Variants in SPIN1 observed in about 807,000 individuals in gnomAD.
The protein encoded by SPIN1 is spindlin 1.
Under a neutral mutation model 26.0 loss-of-function variants are expected in SPIN1, and 3 were observed. That is an observed-to-expected ratio of 0.12 (90% CI 0.05 to 0.30). SPIN1 has a LOEUF of 0.30. Ranked by LOEUF, SPIN1 falls within the 10% of genes least tolerant of loss-of-function variation. The pLI, the probability that SPIN1 is intolerant of heterozygous loss-of-function variation, is 1.00. For synonymous variants in SPIN1, 101 were observed against 116.5 expected (o/e 0.87, Z 0.86); for missense variants, 126 against 333.4 (o/e 0.38, Z 4.84).
chr9:88,427,676 A>G (rs1266481740), intron 2 of SPIN1, among the ~76,000 whole-genome samples: 1 of 150,716 alleles, frequency 6.6e-6, no homozygotes, highest in East Asian at 2.0e-4. Context: ...GGTGATCTGC[A>G]GCCTCTGCCT....
intron 1 of SPIN1, among the ~76,000 whole-genome samples, chr9:88,399,104 T>A (rs1408734480): frequency 1.3e-5 from 2 of 151,076 alleles, no homozygotes; most frequent in African/African-American, 4.9e-5. Context: ...CAATCTTGGC[T>A]CACTGCAACC....
At chr9:88,411,977 C>G (rs1482185455) in intron 1 of SPIN1, among the ~76,000 whole-genome samples, 1 of 151,216 alleles carries the variant, frequency 6.6e-6, no homozygotes, top group East Asian at 1.9e-4. Flanking sequence ...CGAGACCATC[C>G]TGGCTAGTGC....
intron 2 of SPIN1, among the ~76,000 whole-genome samples, chr9:88,432,089 C>T (rs1487192048): frequency 6.6e-6 from 1 of 151,978 alleles, no homozygotes; most frequent in Non-Finnish European, 1.5e-5. Context: ...CTTTAACTGT[C>T]TCCTGTTTTT....
rs757565862 is a variant in SPIN1, at chr9:88,405,536, C to CTTTTTT, written c.-159+17013_-159+17018dup. Among the ~76,000 whole-genome samples the CTTTTTT allele has an allele frequency of 4.5e-3, 500 of 110,682 alleles. 19 individuals carry two copies. The highest frequency in any genetic ancestry group is 0.014 in the African/African-American group (344 of 24,490). 72.6% of individuals were successfully genotyped at this position (110,682 alleles called of 152,430 possible). On this transcript the variant is annotated intron_variant, in intron 1 of 5. Coordinates refer to ENST00000375859, the MANE Select transcript of SPIN1 (RefSeq NM_006717.3). Reference sequence around the variant, plus strand: ...GCCACAGTGCCTGGCCTGTACTATCCTTTTTTTTTTTTTTTTTTTTCCCTG... The same window carrying CTTTTTT: ...GCCACAGTGCCTGGCCTGTACTATCCTTTTTTTTTTTTTTTTTTTTTTTTTTCCCTG...
At chr9:88,389,865 C>G (rs1826881365) in intron 1 of SPIN1, among the ~76,000 whole-genome samples, 1 of 152,110 alleles carries the variant, frequency 6.6e-6, no homozygotes, top group South Asian at 2.1e-4. Flanking sequence ...TTTTAACACT[C>G]TTTTGAAGTG....
chr9:88,428,798 A>G (rs1827809193), intron 2 of SPIN1, among the ~76,000 whole-genome samples: 1 of 152,194 alleles, frequency 6.6e-6, no homozygotes, highest in East Asian at 1.9e-4. Context: ...TTTTAGCATA[A>G]GAGTCCGTGA....
At chr9:88,396,902 A>G (rs1827074533) in intron 1 of SPIN1, among the ~76,000 whole-genome samples, 1 of 152,070 alleles carries the variant, frequency 6.6e-6, no homozygotes, top group Admixed American at 6.6e-5. Context: ...CTGTGTAGGT[A>G]TTTATTTATC....
At chr9:88,408,330 G>T (rs1194735847) in intron 1 of SPIN1, among the ~76,000 whole-genome samples, 17 of 142,080 alleles carry the variant, frequency 1.2e-4, no homozygotes, top group African/African-American at 4.4e-4. Flanking sequence ...CCCTTGTCAT[G>T]CTTCATCCTG....
intron 1 of SPIN1, among the ~76,000 whole-genome samples, chr9:88,390,444 T>G (rs1826895035): frequency 6.6e-6 from 1 of 152,232 alleles, no homozygotes; most frequent in Non-Finnish European, 1.5e-5. Flanking sequence ...GGTTTTCACT[T>G]CCAGTGACTT....
chr9:88,388,934 G>T (rs1426722262), intron 1 of SPIN1, among the ~76,000 whole-genome samples: 1 of 151,210 alleles, frequency 6.6e-6, no homozygotes, highest in East Asian at 1.9e-4. Context: ...AGTCGGGCGC[G>T]GGGAGGGGGC....
At chr9:88,464,366 G>A (rs1182856411) in intron 4 of SPIN1, among the ~76,000 whole-genome samples, 2 of 152,090 alleles carry the variant, frequency 1.3e-5, no homozygotes, top group East Asian at 1.9e-4. Context: ...TACGTTTTAC[G>A]TCGGAAGCAA....
chr9:88,445,656 C>A (rs914147738), intron 2 of SPIN1, among the ~76,000 whole-genome samples: 2 of 150,968 alleles, frequency 1.3e-5, no homozygotes, highest in East Asian at 3.9e-4. Flanking sequence ...GATTCTCTTG[C>A]CTTAGCCAGA....
intron 1 of SPIN1, among the ~76,000 whole-genome samples, chr9:88,420,919 C>T (rs1194351460): frequency 1.3e-5 from 2 of 152,190 alleles, no homozygotes; most frequent in East Asian, 3.8e-4. Context: ...TTTCTGCTTT[C>T]TTCAGGCCTG....
chr9:88,411,370 C>T lies in SPIN1; in HGVS notation c.-158-15012C>T, dbSNP rs1827438713. 3.2e-5 allele frequency: 50 copies of T among 1,580,998 alleles called. No individual in the cohort carries two copies. In the South Asian group the frequency reaches 5.4e-4, roughly 17 times the overall value. ...GTGTCCCCCATTGCTCAAAATGGCT[C>T]CTCAGGCTCTCATCGGTTGTTTCAA... is the stretch of plus-strand genomic sequence containing the variant. On this transcript the variant is annotated intron_variant, in intron 1 of 5. Coordinates refer to ENST00000375859, the MANE Select transcript of SPIN1 (RefSeq NM_006717.3).
intron 2 of SPIN1, among the ~76,000 whole-genome samples, chr9:88,428,330 C>A (rs1537288): frequency 6.6e-6 from 1 of 152,040 alleles, no homozygotes; most frequent in Admixed American, 6.5e-5. Context: ...GCCCTTGCTG[C>A]GTCCCTCCTT....
At chr9:88,425,298 GC>G (rs898541473) in intron 1 of SPIN1, among the ~76,000 whole-genome samples, 8 of 152,072 alleles carry the variant, frequency 5.3e-5, no homozygotes, top group Admixed American at 3.9e-4. Context: ...TGTCCTGATA[GC>G]CTTCATCTTA....
intron 5 of SPIN1, among the ~76,000 whole-genome samples, chr9:88,474,636 T>C (rs1004928550): frequency 1.3e-5 from 2 of 152,228 alleles, no homozygotes; most frequent in Non-Finnish European, 2.9e-5. Context: ...AATTGTCTGC[T>C]TTCAAATTAT....
rs191170665 is a variant in SPIN1 at position 88,449,816 on chromosome 9, C to T, written c.101+827C>T. Among the ~76,000 whole-genome samples the T allele has an allele frequency of 2.8e-3, 426 of 152,180 alleles. 10 individuals carry two copies. Among genetic ancestry groups the T allele is most frequent in the Admixed American group, 0.024 (367 of 15,272 alleles). On this transcript the variant is annotated intron_variant, in intron 3 of 5. Transcript: ENST00000375859. Reference sequence around the variant, plus strand: ...TATGGAGAAGACACTCCTTGACCATCGTGAGGCACTCTTAAGAAACATTTT... The same window carrying T: ...TATGGAGAAGACACTCCTTGACCATTGTGAGGCACTCTTAAGAAACATTTT...
chr9:88,412,448 C>A (rs1209090685), intron 1 of SPIN1, among the ~76,000 whole-genome samples: 1 of 151,998 alleles, frequency 6.6e-6, no homozygotes, highest in Admixed American at 6.6e-5. Context: ...TTGATCCTTG[C>A]GGGTGGCCTT....
Sources: gnomAD v4.1 joint callset for allele counts (sites outside exome capture counted in the v4.1 genomes callset) on GRCh38, gnomAD v4.1.1 for gene constraint, MANE v1.5 for transcripts, NCBI Gene and HGNC (gene_info 2026-07-23, HGNC 2026-07-21) for gene names.